The following GNPTAB variants were observed in gnomAD, a reference collection of about 807,000 sequenced individuals.
The protein encoded by GNPTAB is N-acetylglucosamine-1-phosphotransferase subunits alpha/beta.
In GNPTAB, 92 loss-of-function variants were observed where a neutral mutation model predicts 136.6. That is an observed-to-expected ratio of 0.67 (90% CI 0.57 to 0.80). The LOEUF (loss-of-function observed/expected upper bound fraction) is 0.80, where lower values mean the gene tolerates loss of function less well. GNPTAB is among the 30% of genes least tolerant of loss of function. GNPTAB has a pLI of 0.00. For missense variants in GNPTAB, 1,343 were observed against 1,501.8 expected (o/e 0.89, Z 1.75); for synonymous variants, 512 against 535.1 (o/e 0.96, Z 0.60).
intron 18 of GNPTAB, among the ~76,000 whole-genome samples, chr12:101,755,584 C>A (rs771009531): frequency 6.6e-6 from 1 of 152,100 alleles, no homozygotes; most frequent in Non-Finnish European, 1.5e-5. Context: ...GATGATGAAG[C>A]CATCACAAGC....
At position 101,770,105 on chromosome 12, in the gene GNPTAB, C is replaced by A; in HGVS notation, c.1200G>T (p.Gln400His). The change falls in exon 10 of 21, where the codon CAG (glutamine) becomes CAT (histidine). Residue 400 changes from glutamine (Q) to histidine (H), a missense_variant. By Grantham distance (24) the Gln-to-His change is conservative. Coordinates refer to ENST00000299314, the MANE Select transcript of GNPTAB (RefSeq NM_024312.5). The part of the protein sequence containing the change: ...SHIHRIEGLS[Q>H]KFIYLNDDVM... ...CATCATCATTTAGGTAAATAAACTT[C>A]TGGGACAGCCCTTCGATGCGATGAA... 6.2e-7 allele frequency: 1 copy of A among 1,614,084 alleles called. No homozygotes were observed. The highest frequency in any genetic ancestry group is 8.5e-7 in the Non-Finnish European group (1 of 1,179,986).
chr12:101,818,376 CTTTTTTT>C (rs11347749), intron 1 of GNPTAB, among the ~76,000 whole-genome samples: 1 of 132,672 alleles, frequency 7.5e-6, no homozygotes, highest in Admixed American at 7.6e-5. Context: ...ATATTTGTGT[CTTTTTTT>C]TTTTTTTTTT....
intron 1 of GNPTAB, chr12:101,810,671 GGA>G (rs1454845705): frequency 1.3e-5 from 2 of 151,446 alleles, no homozygotes; most frequent in African/African-American, 4.8e-5. Flanking sequence ...ACATTTTAAA[GGA>G]GAGAGGTAAG....
intron 17 of GNPTAB, 103 bp from the exon 18 acceptor site, chr12:101,757,413 T>A: frequency 1.2e-6 from 1 of 807,976 alleles, no homozygotes; most frequent in Non-Finnish European, 2.1e-6. Flanking sequence ...GGACTCAACA[T>A]CCACAAAATA....
At chr12:101,772,941 C>T (rs553009229) in intron 7 of GNPTAB, among the ~76,000 whole-genome samples, 26 of 152,208 alleles carry the variant, frequency 1.7e-4, no homozygotes, top group Admixed American at 4.6e-4. Flanking sequence ...CTCAGACTCC[C>T]GAGTAGCTGG....
At chr12:101,804,944 G>A (rs373164646) in intron 1 of GNPTAB, among the ~76,000 whole-genome samples, 79 of 152,260 alleles carry the variant, frequency 5.2e-4, no homozygotes, top group African/African-American at 1.8e-3. Flanking sequence ...AAAATATTCT[G>A]ACAACTACAA....
chr12:101,793,741 T>C (rs780540185), intron 2 of GNPTAB, among the ~76,000 whole-genome samples: 1 of 152,238 alleles, frequency 6.6e-6, no homozygotes, highest in African/African-American at 2.4e-5. Flanking sequence ...TTAGTTTAAG[T>C]GAATATTAAA....
At chr12:101,793,694 G>A (rs1341098861) in intron 2 of GNPTAB, among the ~76,000 whole-genome samples, 5 of 152,160 alleles carry the variant, frequency 3.3e-5, no homozygotes, top group Admixed American at 6.5e-5. Flanking sequence ...AACCAAAGCA[G>A]CAATGACACT....
At chr12:101,783,616 C>T (rs1311848120) in intron 5 of GNPTAB, among the ~76,000 whole-genome samples, 2 of 152,008 alleles carry the variant, frequency 1.3e-5, no homozygotes, top group South Asian at 2.1e-4. Flanking sequence ...GGCTGCAGTT[C>T]GAATATGTGA....
intron 10 of GNPTAB, among the ~76,000 whole-genome samples, chr12:101,768,547 G>A (rs10492085): frequency 0.44 from 67,063 of 151,972 alleles, 15,042 homozygotes; most frequent in African/African-American, 0.52. Context: ...CTGCTTTTCT[G>A]TAACTATCAG....
intron 1 of GNPTAB, among the ~76,000 whole-genome samples, chr12:101,822,282 G>A (rs987186128): frequency 1.3e-5 from 2 of 152,110 alleles, no homozygotes; most frequent in South Asian, 4.2e-4. Flanking sequence ...GTGAGGTGGC[G>A]GGAGCCTGTA....
Position 101,796,678 on chromosome 12 carries a change from G to T in GNPTAB, c.202C>A (p.Arg68=). Residue 68 remains arginine (R), a splice_region_variant and synonymous_variant, in exon 2 of 21, where the codon CGG becomes AGG. Coordinates refer to ENST00000299314, the MANE Select transcript of GNPTAB (RefSeq NM_024312.5). The part of the protein sequence containing the change: ...DNIAGKSFQN[R]LCLPMPIDVV... ...AGATTTCTCCAAAATAGATCTTACCGATTCTGAAAGGACTTTCCAGCAATA... is the reference window on the plus strand; with the variant it reads ...AGATTTCTCCAAAATAGATCTTACCTATTCTGAAAGGACTTTCCAGCAATA... 1 of 1,588,896 alleles carries T rather than the reference G, an allele frequency of 6.3e-7. No homozygotes were observed. The highest frequency in any genetic ancestry group is 8.6e-7 in the Non-Finnish European group (1 of 1,157,328).
chr12:101,792,363 G>C (rs1053520601), intron 2 of GNPTAB, among the ~76,000 whole-genome samples: 3 of 152,176 alleles, frequency 2.0e-5, no homozygotes, highest in Admixed American at 1.3e-4. Flanking sequence ...CAGAGTTCCA[G>C]AGCTTCATCT....
Position 101,764,872 on chromosome 12 carries a change from T to C in GNPTAB, c.2045A>G (p.Asp682Gly), listed in dbSNP as rs1221429933. 6.2e-6 allele frequency: 10 copies of C among 1,614,074 alleles called. No individual in the cohort carries two copies. The highest frequency in any genetic ancestry group is 7.6e-6 in the Non-Finnish European group (9 of 1,180,044). ...CTGGGCTCTCCTTGTTGAGTTAACATCATGTCTCTTAAACTTCGGGAAGCG... is the reference window on the plus strand; with the variant it reads ...CTGGGCTCTCCTTGTTGAGTTAACACCATGTCTCTTAAACTTCGGGAAGCG... ...EKRFPKFKRHDVNSTRRAQEE... is the reference protein window; with the variant it reads ...EKRFPKFKRHGVNSTRRAQEE... Residue 682 changes from aspartate (D) to glycine (G), a missense_variant, in exon 13 of 21, where the codon GAT becomes GGT. Physicochemically the swap from Asp to Gly is moderately conservative, Grantham distance 94. Transcript: ENST00000299314.
Position 101,764,362 on chromosome 12 carries a change from A to G in GNPTAB, c.2555T>C (p.Ile852Thr). 2 of 1,613,452 alleles carry G rather than the reference A, an allele frequency of 1.2e-6. No homozygotes were observed. Among genetic ancestry groups the G allele is most frequent in the Non-Finnish European group, 1.7e-6 (2 of 1,179,924 alleles). Residue 852 changes from isoleucine to threonine, a missense_variant, in exon 13 of 21, where the codon ATC becomes ACC. Physicochemically the swap from Ile to Thr is moderately conservative, Grantham distance 89. Transcript: ENST00000299314. The part of the protein sequence containing the change: ...LESQMTKEKK[I>T]TGKEKENSRM... Reference sequence around the variant, plus strand: ...ACTGTTCTCTTTTTCTTTCCCTGTGATTTTCTTTTCTTTTGTCATCTGGCT... The same window carrying G: ...ACTGTTCTCTTTTTCTTTCCCTGTGGTTTTCTTTTCTTTTGTCATCTGGCT...
At chr12:101,767,831 TG>T (rs1953117468) in intron 11 of GNPTAB, 1 of 663,558 alleles carries the variant, frequency 1.5e-6, no homozygotes, top group Non-Finnish European at 2.7e-6. Flanking sequence ...TTGCCCAAGC[TG>T]GTCTTGAACT....
intron 1 of GNPTAB, among the ~76,000 whole-genome samples, chr12:101,830,107 C>A (rs1336678841): frequency 2.6e-5 from 4 of 151,768 alleles, no homozygotes; most frequent in Non-Finnish European, 5.9e-5. Context: ...AAGTGGCTTT[C>A]TTGGGCCAGG....
chr12:101,752,317 C>T (rs550382800), intron 19 of GNPTAB, among the ~76,000 whole-genome samples: 17 of 152,162 alleles, frequency 1.1e-4, no homozygotes, highest in Admixed American at 3.9e-4. Context: ...TCCAGCTACT[C>T]GGGAGGCTGA....
intron 1 of GNPTAB, among the ~76,000 whole-genome samples, chr12:101,803,438 G>A (rs896475900): frequency 3.9e-5 from 6 of 152,008 alleles, no homozygotes; most frequent in African/African-American, 1.5e-4. Context: ...GATGCAAAGT[G>A]GCTTAATGCA....
Sources: gnomAD v4.1 joint callset for allele counts (sites outside exome capture counted in the v4.1 genomes callset) on GRCh38, gnomAD v4.1.1 for gene constraint, MANE v1.5 for transcripts, NCBI Gene and HGNC (gene_info 2026-07-23, HGNC 2026-07-21) for gene names.